The following CFAP299 variants were observed in gnomAD, a reference collection of about 807,000 sequenced individuals.
The protein encoded by CFAP299 is cilia and flagella associated protein 299, also known as cilia- and flagella-associated protein 299.
In CFAP299, 21 loss-of-function variants were observed where a neutral mutation model predicts 27.0. The ratio of observed to expected loss-of-function variants is 0.78; its 90% CI spans 0.55 to 1.12. The LOEUF is 1.12. Among genes scored for constraint, CFAP299 ranks in the 50% most tolerant of loss-of-function variants. The probability of loss-of-function intolerance (pLI) is 0.00; values close to 1 mark genes in which losing one functional copy is unlikely to be tolerated. For missense variants in CFAP299, 310 were observed against 276.6 expected, an observed-to-expected ratio of 1.12 and a Z score of -0.86; for synonymous variants, 104 against 98.1, an observed-to-expected ratio of 1.06 and a Z score of -0.36.
At position 80,800,400 on chromosome 4, in the gene CFAP299, T is replaced by TATATATAATATATA. The variant is rs1553893436; in HGVS notation, c.334-69587_334-69586insAATATATAATATAT. ...TATAATATATAATATATTAATATAA[T>TATATATAATATATA]ATATATTGATATATTAATATAATAT... On this transcript the variant is annotated intron_variant, in intron 3 of 5. Coordinates refer to ENST00000358105, the MANE Select transcript of CFAP299 (RefSeq NM_152770.3). Among the ~76,000 whole-genome samples the TATATATAATATATA allele has an allele frequency of 1.7e-4, 9 of 53,104 alleles. 1 individual carries two copies. Among genetic ancestry groups the TATATATAATATATA allele is most frequent in the African/African-American group, 7.2e-4 (7 of 9,764 alleles). 34.8% of individuals were successfully genotyped at this position (53,104 alleles called of 152,430 possible). A position where few individuals can be genotyped will look rare whatever the true frequency, so the allele number is the denominator to read the frequency against.
chr4:80,686,665 T>C (rs960149328), intron 3 of CFAP299, among the ~76,000 whole-genome samples: 2 of 152,184 alleles, frequency 1.3e-5, no homozygotes, highest in African/African-American at 4.8e-5. Context: ...AAGATTTTGG[T>C]AGAAGATAAT....
intron 2 of CFAP299, among the ~76,000 whole-genome samples, chr4:80,531,010 T>A (rs568464472): frequency 1.3e-5 from 2 of 152,152 alleles, no homozygotes; most frequent in Non-Finnish European, 1.5e-5. Flanking sequence ...AATTTTTAGA[T>A]GGTTTTAAGC....
At chr4:80,881,951 T>C (rs1021175540) in intron 4 of CFAP299, among the ~76,000 whole-genome samples, 1 of 151,920 alleles carries the variant, frequency 6.6e-6, no homozygotes, top group Non-Finnish European at 1.5e-5. Flanking sequence ...AGGAACACCA[T>C]AACCAAAATG....
chr4:80,881,900 T>G (rs145250453), intron 4 of CFAP299, among the ~76,000 whole-genome samples: 1 of 151,748 alleles, frequency 6.6e-6, no homozygotes, highest in Non-Finnish European at 1.5e-5. Context: ...AATAAGGAGA[T>G]AGAAATGATG....
intron 2 of CFAP299, among the ~76,000 whole-genome samples, chr4:80,527,483 T>C (rs76873008): frequency 8.3e-4 from 127 of 152,210 alleles, no homozygotes; most frequent in African/African-American, 3.0e-3. Context: ...ATCATGTAAC[T>C]CCCCTTTTCT....
At chr4:80,569,933 G>A (rs1210898638) in intron 2 of CFAP299, among the ~76,000 whole-genome samples, 1 of 151,950 alleles carries the variant, frequency 6.6e-6, no homozygotes, top group Non-Finnish European at 1.5e-5. Context: ...TTTAAAAGTG[G>A]AAGTTGACAA....
chr4:80,591,113 T>TA (rs372729631), intron 3 of CFAP299, among the ~76,000 whole-genome samples: 16,968 of 141,504 alleles, frequency 0.12, 1,204 homozygotes, highest in South Asian at 0.26. Flanking sequence ...AAATTTTTTT[T>TA]TTTTTTTTTT....
intron 2 of CFAP299, among the ~76,000 whole-genome samples, chr4:80,492,620 A>G (rs1731195301): frequency 6.6e-6 from 1 of 152,186 alleles, no homozygotes; most frequent in Non-Finnish European, 1.5e-5. Context: ...AATTTTCAAG[A>G]CACATTTTCA....
intron 3 of CFAP299, among the ~76,000 whole-genome samples, chr4:80,723,628 C>T (rs1006157915): frequency 6.6e-6 from 1 of 151,996 alleles, no homozygotes; most frequent in African/African-American, 2.4e-5. Flanking sequence ...AACAAGATAA[C>T]TCTTAGGGTA....
chr4:80,480,078 G>A lies in CFAP299; in HGVS notation c.243-103015G>A, dbSNP rs1026445654. ...AATATATTCTTTTCCTTATGTACCA[G>A]TGCATTTTTTTTTAAAAAAGTTGAT... On this transcript the variant is annotated intron_variant, in intron 2 of 5. Coordinates refer to ENST00000358105, the MANE Select transcript of CFAP299 (RefSeq NM_152770.3). Among the ~76,000 whole-genome samples the A allele has an allele frequency of 2.6e-5, 4 of 151,870 alleles. No homozygotes were observed. In the East Asian group the frequency reaches 7.7e-4, roughly 29 times the overall value.
At chr4:80,887,619 C>A (rs1277781242) in intron 4 of CFAP299, among the ~76,000 whole-genome samples, 1 of 151,976 alleles carries the variant, frequency 6.6e-6, no homozygotes, top group Non-Finnish European at 1.5e-5. Flanking sequence ...TGTGAATGAG[C>A]AAGAAGAAAT....
chr4:80,399,836 T>G (rs1242710550), intron 2 of CFAP299, among the ~76,000 whole-genome samples: 1 of 152,152 alleles, frequency 6.6e-6, no homozygotes. Flanking sequence ...ACTTAAAGTA[T>G]AATAATAAAA....
chr4:80,680,435 A>C (rs1469776937), intron 3 of CFAP299, among the ~76,000 whole-genome samples: 1 of 152,134 alleles, frequency 6.6e-6, no homozygotes, highest in African/African-American at 2.4e-5. Flanking sequence ...TTTCCTTAGA[A>C]CTTTGTTTTC....
intron 2 of CFAP299, among the ~76,000 whole-genome samples, chr4:80,462,730 C>T (rs146348909): frequency 7.9e-5 from 12 of 152,276 alleles, no homozygotes; most frequent in Middle Eastern, 3.4e-3. Context: ...ACCACGTGAT[C>T]CAGAGATGGG....
At chr4:80,413,750 C>CTTTTTTTTTTTTTTTTTTTTTTTT (rs66780627) in intron 2 of CFAP299, among the ~76,000 whole-genome samples, 2 of 108,310 alleles carry the variant, frequency 1.8e-5, no homozygotes, top group African/African-American at 3.5e-5. Context: ...TTGTGTCATT[C>CTTTTTTTTTTTTTTTTTTTTTTTT]TTTTTTTTTT....
chr4:80,794,758 A>T (rs1422724320), intron 3 of CFAP299, among the ~76,000 whole-genome samples: 1 of 152,206 alleles, frequency 6.6e-6, no homozygotes, highest in African/African-American at 2.4e-5. Context: ...AGATAGGCAA[A>T]CTTATATCCA....
chr4:80,904,402 G>A (rs938011357), intron 4 of CFAP299, among the ~76,000 whole-genome samples: 1 of 152,144 alleles, frequency 6.6e-6, no homozygotes, highest in Non-Finnish European at 1.5e-5. Context: ...CCAGGTCCTA[G>A]TCAGATTGGC....
intron 3 of CFAP299, among the ~76,000 whole-genome samples, chr4:80,855,924 T>G (rs1037203991): frequency 7.9e-5 from 12 of 151,896 alleles, no homozygotes; most frequent in Non-Finnish European, 1.5e-5. Context: ...ATATACCCAG[T>G]AATGGGATGG....
intron 4 of CFAP299, among the ~76,000 whole-genome samples, chr4:80,937,300 T>C (rs1383075399): frequency 7.2e-6 from 1 of 139,500 alleles, no homozygotes; most frequent in Non-Finnish European, 1.5e-5. Context: ...TCTTTTTTCT[T>C]TTTTTTTCTT....
Sources: gnomAD v4.1 joint callset for allele counts (sites outside exome capture counted in the v4.1 genomes callset) on GRCh38, gnomAD v4.1.1 for gene constraint, MANE v1.5 for transcripts, NCBI Gene and HGNC (gene_info 2026-07-23, HGNC 2026-07-21) for gene names.